The following SSH2 variants were observed in gnomAD, a reference collection of about 807,000 sequenced individuals.
The protein encoded by SSH2 is protein phosphatase Slingshot homolog 2.
In SSH2, 37 loss-of-function variants were observed where a neutral mutation model predicts 135.2. The observed-to-expected ratio is 0.27, with a 90% CI of 0.21 to 0.36. The LOEUF is 0.36. SSH2 is among the 10% of genes least tolerant of loss of function. The pLI is 1.00. For synonymous variants in SSH2, 628 were observed against 646.2 expected, an observed-to-expected ratio of 0.97 and a Z score of 0.43; for missense variants, 1,408 against 1,765.3, an observed-to-expected ratio of 0.80 and a Z score of 3.63.
chr17:29,788,068 C>T (rs769818955), intron 3 of SSH2, among the ~76,000 whole-genome samples: 2 of 152,076 alleles, frequency 1.3e-5, no homozygotes, highest in Admixed American at 6.6e-5. Context: ...ATTTGTTTAT[C>T]TTCTTTGGAG....
chr17:29,846,861 C>T (rs1038648958), intron 2 of SSH2, among the ~76,000 whole-genome samples: 8 of 152,172 alleles, frequency 5.3e-5, no homozygotes, highest in Admixed American at 3.9e-4. Context: ...CTGATACAGA[C>T]AATTCATTTT....
chr17:29,759,684 T>C (rs1354294626), intron 3 of SSH2, among the ~76,000 whole-genome samples: 3 of 152,226 alleles, frequency 2.0e-5, no homozygotes, highest in African/African-American at 7.2e-5. Flanking sequence ...TTTATACTTT[T>C]GTGACTGGCT....
rs187467212 is a variant in SSH2 at position 29,717,077 on chromosome 17, A to G, written c.189-14015T>C. On this transcript the variant is annotated intron_variant, in intron 3 of 15. Transcript: ENST00000540801. ...TATCCTTTGTCAGTAACCCTACCCT[A>G]TCCACCGCCCTTAAAACAGAGAGTC... Among the ~76,000 whole-genome samples the G allele has an allele frequency of 5.9e-5, 9 of 152,168 alleles. No individual in the cohort carries two copies. The East Asian group carries it at 1.7e-3, about 29-fold the overall frequency.
chr17:29,821,254 T>A (rs2042645946), intron 2 of SSH2, among the ~76,000 whole-genome samples: 1 of 152,190 alleles, frequency 6.6e-6, no homozygotes, highest in South Asian at 2.1e-4. Flanking sequence ...ATCTTATTTA[T>A]TTATCTATCT....
chr17:29,852,966 T>C (rs2065591513), intron 1 of SSH2, among the ~76,000 whole-genome samples: 2 of 151,946 alleles, frequency 1.3e-5, no homozygotes, highest in Non-Finnish European at 2.9e-5. Context: ...TTAGGACCTC[T>C]ACTAAACTAC....
intron 3 of SSH2, among the ~76,000 whole-genome samples, chr17:29,728,254 A>G (rs2040066349): frequency 6.6e-6 from 1 of 152,254 alleles, no homozygotes; most frequent in Non-Finnish European, 1.5e-5. Flanking sequence ...GCATTTCTAT[A>G]TGCCAACAGC....
intron 3 of SSH2, among the ~76,000 whole-genome samples, chr17:29,743,674 A>T (rs1026364017): frequency 6.6e-6 from 1 of 152,212 alleles, no homozygotes; most frequent in African/African-American, 2.4e-5. Flanking sequence ...TTCCAAGGGG[A>T]AACAATAAAA....
intron 2 of SSH2, among the ~76,000 whole-genome samples, chr17:29,805,219 G>C (rs2151318740): frequency 6.6e-6 from 1 of 152,048 alleles, no homozygotes; most frequent in Middle Eastern, 3.4e-3. Context: ...GCAGCGGCCT[G>C]ATCTCGGCTC....
chr17:29,696,604 C>T (rs1011682932), intron 4 of SSH2, among the ~76,000 whole-genome samples: 1 of 105,998 alleles, frequency 9.4e-6, no homozygotes, highest in African/African-American at 3.0e-5. Flanking sequence ...GTCTCAAAAA[C>T]ATATATACAT....
chr17:29,757,727 C>CAA lies in SSH2; in HGVS notation c.188+36165_188+36166dup, dbSNP rs57511763. Among the ~76,000 whole-genome samples the CAA allele has an allele frequency of 2.9e-3, 229 of 78,770 alleles. 1 individual carries two copies. Among genetic ancestry groups the CAA allele is most frequent in the African/African-American group, 0.011 (217 of 19,082 alleles). The allele number at this position is 78,770 out of a possible 152,430, so 51.7% of individuals were successfully genotyped here. On this transcript the variant is annotated intron_variant, in intron 3 of 15. Transcript: ENST00000540801. The stretch of plus-strand genomic sequence containing the variant: ...GCAACAAAGTGAGATGCTGTCTCTA[C>CAA]AAAAAAAAAAAAAAAAGAGAGAGAG...
At chr17:29,759,106 G>A (rs953079275) in intron 3 of SSH2, among the ~76,000 whole-genome samples, 2 of 152,066 alleles carry the variant, frequency 1.3e-5, no homozygotes, top group East Asian at 1.9e-4. Context: ...CTGGAGTGTG[G>A]TGGCATGATC....
chr17:29,661,260 C>G (rs552799015), intron 11 of SSH2, among the ~76,000 whole-genome samples: 114 of 152,216 alleles, frequency 7.5e-4, no homozygotes, highest in African/African-American at 2.6e-3. Context: ...TATGGCTCAT[C>G]ATGCTCTCCT....
intron 14 of SSH2, chr17:29,643,203 G>C (rs1469209370): frequency 3.0e-6 from 3 of 985,128 alleles, no homozygotes; most frequent in Non-Finnish European, 3.6e-6. Context: ...CTTTGGTGCT[G>C]GGCGAGTCTG....
intron 3 of SSH2, among the ~76,000 whole-genome samples, chr17:29,722,095 T>A (rs563240206): frequency 6.6e-6 from 1 of 152,034 alleles, no homozygotes; most frequent in African/African-American, 2.4e-5. Flanking sequence ...GTCAAGATGG[T>A]GAAACCCCAT....
At chr17:29,635,078 A>AT (rs973756247) in intron 15 of SSH2, among the ~76,000 whole-genome samples, 41 of 151,500 alleles carry the variant, frequency 2.7e-4, no homozygotes, top group African/African-American at 9.5e-4. Flanking sequence ...TAATTTTTGT[A>AT]TTTTTTGTAG....
chr17:29,761,194 G>A (rs1032913342), intron 3 of SSH2: 5 of 1,289,646 alleles, frequency 3.9e-6, no homozygotes, highest in Admixed American at 4.6e-5. Flanking sequence ...TGGCGGAGAA[G>A]TAAGGAATCA....
At chr17:29,696,124 C>T (rs3102558) in intron 4 of SSH2, among the ~76,000 whole-genome samples, 3 of 148,752 alleles carry the variant, frequency 2.0e-5, no homozygotes, top group Non-Finnish European at 4.4e-5. Context: ...CTCGCTGTCA[C>T]CCACGCTGGA....
At chr17:29,926,553 CAAAA>C (rs577944888) in intron 1 of SSH2, among the ~76,000 whole-genome samples, 3 of 105,440 alleles carry the variant, frequency 2.8e-5, no homozygotes, top group Non-Finnish European at 4.1e-5. Context: ...GACCTTGTCT[CAAAA>C]AAAAAAAAAA....
intron 3 of SSH2, among the ~76,000 whole-genome samples, chr17:29,733,762 T>C (rs2040276142): frequency 6.6e-6 from 1 of 152,190 alleles, no homozygotes; most frequent in Admixed American, 6.5e-5. Context: ...AAAAATCTCA[T>C]CTTGTTTCTT....
Sources: gnomAD v4.1 joint callset for allele counts (sites outside exome capture counted in the v4.1 genomes callset) on GRCh38, gnomAD v4.1.1 for gene constraint, MANE v1.5 for transcripts, NCBI Gene and HGNC (gene_info 2026-07-23, HGNC 2026-07-21) for gene names.